Variants in RNF13 observed in about 807,000 individuals in gnomAD.
RNF13 encodes ring finger protein 13, also known as E3 ubiquitin-protein ligase RNF13.
RNF13 carries 19 observed loss-of-function variants against 37.7 expected under a neutral mutation model. The ratio of observed to expected loss-of-function variants is 0.50; its 90% CI spans 0.35 to 0.74. RNF13 has a LOEUF of 0.74. Among genes scored for constraint, RNF13 ranks in the 30% least tolerant of loss-of-function variants. The pLI, the probability that RNF13 is intolerant of heterozygous loss-of-function variation, is 0.01. For synonymous variants in RNF13, 144 were observed against 157.8 expected (o/e 0.91, Z 0.65); for missense variants, 375 against 453.0 (o/e 0.83, Z 1.56).
At chr3:149,869,656 G>A (rs1711784079) in intron 3 of RNF13, among the ~76,000 whole-genome samples, 1 of 151,774 alleles carries the variant, frequency 6.6e-6, no homozygotes, top group African/African-American at 2.4e-5. Flanking sequence ...TTGCTTGTTG[G>A]TTTCTTGCTT....
chr3:149,835,699 A>G (rs1225373200), intron 1 of RNF13, among the ~76,000 whole-genome samples: 2 of 146,012 alleles, frequency 1.4e-5, no homozygotes, highest in Non-Finnish European at 3.0e-5. Flanking sequence ...GTGTACCACA[A>G]TTTCTTTATC....
chr3:149,817,663 A>G (rs1705571776), intron 1 of RNF13, among the ~76,000 whole-genome samples: 1 of 152,180 alleles, frequency 6.6e-6, no homozygotes, highest in South Asian at 2.1e-4. Context: ...ATTGTGGAAG[A>G]AGACACTCAA....
At chr3:149,829,961 A>G (rs532433833) in intron 1 of RNF13, among the ~76,000 whole-genome samples, 5 of 151,376 alleles carry the variant, frequency 3.3e-5, no homozygotes, top group Admixed American at 6.6e-5. Flanking sequence ...TCTCCTGCAC[A>G]TGCTCTCTTG....
chr3:149,864,058 G>T (rs2108422775), intron 3 of RNF13, among the ~76,000 whole-genome samples: 1 of 113,798 alleles, frequency 8.8e-6, no homozygotes, highest in Admixed American at 1.2e-4. Flanking sequence ...TGATGTGGTT[G>T]TAGTATTAGT....
chr3:149,903,419 G>A (rs912154920), intron 6 of RNF13, among the ~76,000 whole-genome samples: 5 of 151,852 alleles, frequency 3.3e-5, no homozygotes, highest in Non-Finnish European at 5.9e-5. Context: ...AGCAAAATAT[G>A]GAAAAATTGA....
chr3:149,813,878 A>C (rs1472068561), intron 1 of RNF13: 1 of 152,232 alleles, frequency 6.6e-6, no homozygotes, highest in East Asian at 1.9e-4. Context: ...CTCTGCCTGT[A>C]TGCTTGACTT....
intron 1 of RNF13, among the ~76,000 whole-genome samples, chr3:149,838,053 C>T (rs1322706370): frequency 6.6e-6 from 1 of 151,252 alleles, no homozygotes; most frequent in East Asian, 1.9e-4. Flanking sequence ...AGTCCAAAAT[C>T]CAGCGGGGCA....
At chr3:149,827,812 A>T (rs1231246337) in intron 1 of RNF13, among the ~76,000 whole-genome samples, 2 of 152,330 alleles carry the variant, frequency 1.3e-5, no homozygotes, top group East Asian at 3.9e-4. Context: ...GATGTTTTAA[A>T]TAAACAGTTG....
intron 8 of RNF13, among the ~76,000 whole-genome samples, chr3:149,945,921 C>T (rs1720730847): frequency 6.6e-6 from 1 of 152,194 alleles, no homozygotes; most frequent in African/African-American, 2.4e-5. Flanking sequence ...ATCTGTACTT[C>T]ACCATCATCA....
Position 149,895,528 on chromosome 3 carries a change from C to A in RNF13, c.377C>A (p.Ser126Tyr), listed in dbSNP as rs1458533397. The change falls in exon 5 of 10, where the codon TCT becomes TAT. Residue 126 changes from serine to tyrosine, a missense_variant. Transcript: ENST00000392894. ...YKAAIVHNVD[S>Y]DDLISMGSND... is the part of the protein sequence containing the mutation. ...GCAGCCATAGTTCACAATGTTGATT[C>A]TGATGACCTCATTAGCATGGGATCC... 2 of 1,604,870 alleles carry A rather than the reference C, an allele frequency of 1.2e-6. No individual in the cohort carries two copies. The highest frequency in any genetic ancestry group is 1.7e-6 in the Non-Finnish European group (2 of 1,175,868).
At chr3:149,821,799 T>G (rs1347628150) in intron 1 of RNF13, among the ~76,000 whole-genome samples, 1 of 152,166 alleles carries the variant, frequency 6.6e-6, no homozygotes, top group East Asian at 1.9e-4. Context: ...TCCTTATATT[T>G]AGGTCACTGA....
intron 2 of RNF13, among the ~76,000 whole-genome samples, chr3:149,850,359 A>G (rs1000226628): frequency 6.6e-6 from 1 of 152,212 alleles, no homozygotes; most frequent in African/African-American, 2.4e-5. Context: ...CCAAAAACGT[A>G]AAGTACCTTT....
At chr3:149,917,616 ATTAC>A (rs1468069058) in intron 7 of RNF13, among the ~76,000 whole-genome samples, 3 of 152,190 alleles carry the variant, frequency 2.0e-5, no homozygotes, top group African/African-American at 7.2e-5. Flanking sequence ...TGACTTATGA[ATTAC>A]TTCAGTACAG....
At chr3:149,874,437 A>G (rs1712453096) in intron 4 of RNF13, among the ~76,000 whole-genome samples, 3 of 152,128 alleles carry the variant, frequency 2.0e-5, no homozygotes, top group Admixed American at 2.0e-4. Flanking sequence ...AAGAATTATA[A>G]TGTTCCCTAT....
intron 8 of RNF13, among the ~76,000 whole-genome samples, chr3:149,958,702 A>G (rs755919013): frequency 3.0e-4 from 45 of 152,248 alleles, no homozygotes; most frequent in South Asian, 8.3e-4. Context: ...GTCCATGTAA[A>G]TAGATCTATG....
At chr3:149,880,432 G>A (rs1053805618) in intron 4 of RNF13, among the ~76,000 whole-genome samples, 1 of 151,986 alleles carries the variant, frequency 6.6e-6, no homozygotes, top group African/African-American at 2.4e-5. Flanking sequence ...GATTTAAATT[G>A]CAATTCTGAC....
intron 4 of RNF13, among the ~76,000 whole-genome samples, chr3:149,889,292 CGTGTGTGTGTGT>C (rs376618726): frequency 3.0e-4 from 41 of 138,122 alleles, no homozygotes; most frequent in East Asian, 6.7e-4. Context: ...TTTGAGTGTG[CGTGTGTGTGTGT>C]GTGTGTGTGT....
chr3:149,896,172 A>G (rs1223062485), intron 5 of RNF13, among the ~76,000 whole-genome samples: 1 of 152,222 alleles, frequency 6.6e-6, no homozygotes, highest in Non-Finnish European at 1.5e-5. Flanking sequence ...TCAGGGCACT[A>G]TGGGGTTTTA....
Position 149,912,132 on chromosome 3 carries a change from C to G in RNF13, c.606+49C>G, listed in dbSNP as rs201902305. 7.6e-5 allele frequency: 66 copies of G among 871,528 alleles called. No homozygotes were observed. In the East Asian group the frequency reaches 1.5e-3, roughly 20 times the overall value. 54.0% of individuals were successfully genotyped at this position (871,528 alleles called of 1,614,324 possible). ...TTTTTAAAAAATAGTATGGATGAAT[C>G]TAAAAACATTGTATTGAGTGAGAGA... On this transcript the variant is annotated intron_variant, in intron 7 of 9. Transcript: ENST00000392894.
Sources: gnomAD v4.1 joint callset for allele counts (sites outside exome capture counted in the v4.1 genomes callset) on GRCh38, gnomAD v4.1.1 for gene constraint, MANE v1.5 for transcripts, NCBI Gene and HGNC (gene_info 2026-07-23, HGNC 2026-07-21) for gene names.